NATD1: variants seen among roughly 807,000 people sequenced by gnomAD.
NATD1 encodes the protein N-acetyltransferase domain containing 1, also known as protein NATD1.
Under a neutral mutation model 12.0 loss-of-function variants are expected in NATD1, and 9 were observed. That is an observed-to-expected ratio of 0.75 (90% CI 0.45 to 1.30). The LOEUF is 1.30. NATD1 is among the 50% of genes most tolerant of loss of function. NATD1 has a pLI of 0.00. For missense variants in NATD1, 148 were observed against 148.5 expected, an observed-to-expected ratio of 1.00 and a Z score of 0.02; for synonymous variants, 71 against 65.9, an observed-to-expected ratio of 1.08 and a Z score of -0.37.
At chr17:21,245,813 A>G (rs948360852) in intron 1 of NATD1, among the ~76,000 whole-genome samples, 1 of 148,436 alleles carries the variant, frequency 6.7e-6, no homozygotes, top group Non-Finnish European at 1.5e-5. Flanking sequence ...CACTCCCCTC[A>G]TGCCTGCAGC....
chr17:21,252,989 C>G (rs916857384), intron 1 of NATD1, among the ~76,000 whole-genome samples, 170 bp downstream of exon 1: 1 of 150,312 alleles, frequency 6.7e-6, no homozygotes, highest in Non-Finnish European at 1.5e-5. Context: ...GCGCCCGGAG[C>G]TCCGGCCGCC....
rs1295462744 is a variant in NATD1, at chr17:21,244,771, GAGGCAGGA to G, written c.107-555_107-548del. On this transcript the variant is annotated intron_variant, in intron 1 of 2. Transcript: ENST00000611551. The surrounding 1 kb of genome is among the most constrained non-coding windows in gnomAD (Gnocchi z 5.2). ...CATGAGAAACTGACGCTGGGCACAG[GAGGCAGGA>G]ACAAACGGGTTTTCACACTCCACCA... is the stretch of plus-strand genomic sequence containing the variant. 5.3e-5 allele frequency among the ~76,000 whole-genome samples: 8 copies of G among 152,248 alleles called. No homozygotes were observed. The highest frequency in any genetic ancestry group is 1.5e-5 in the Non-Finnish European group (1 of 68,040).
intron 1 of NATD1, among the ~76,000 whole-genome samples, chr17:21,245,726 G>A (rs536880833): frequency 5.9e-5 from 9 of 151,906 alleles, no homozygotes; most frequent in South Asian, 4.2e-4. Context: ...TCCTGCACCC[G>A]CCATCGCCTA....
Position 21,241,513 on chromosome 17 carries a change from C to A in NATD1, c.*1800G>T, listed in dbSNP as rs1240875401. Reference sequence around the variant, plus strand: ...TGCCAGCAATGGGCCACCCCTAGCCCCGGAGCAGCTCAGCCCACCTCCTGC... The same window carrying A: ...TGCCAGCAATGGGCCACCCCTAGCCACGGAGCAGCTCAGCCCACCTCCTGC... On this transcript the variant is annotated 3_prime_UTR_variant, in exon 3 of 3. Transcript: ENST00000611551. 1 of 152,836 alleles carries A rather than the reference C, an allele frequency of 6.5e-6. No individual in the cohort carries two copies. Among genetic ancestry groups the A allele is most frequent in the Non-Finnish European group, 1.5e-5 (1 of 68,560 alleles). The allele number at this position is 152,836 out of a possible 1,614,324, so 9.5% of individuals were successfully genotyped here.
chr17:21,246,004 G>A (rs1975321621), intron 1 of NATD1, among the ~76,000 whole-genome samples: 1 of 152,248 alleles, frequency 6.6e-6, no homozygotes, highest in African/African-American at 2.4e-5. Flanking sequence ...CCCAGGACAG[G>A]AGAGCAGAGA....
rs527790157 is a variant in NATD1, at chr17:21,243,545, C to A, written c.226-116G>T. On this transcript the variant is annotated intron_variant, in intron 2 of 2. Coordinates refer to ENST00000611551, the MANE Select transcript of NATD1 (RefSeq NM_152914.3). Reference sequence around the variant, plus strand: ...GGCCACCCTTCCACTTTGCCCAGGTCAGTAACTCCCTTGAGTTTCAGTGTC... The same window carrying A: ...GGCCACCCTTCCACTTTGCCCAGGTAAGTAACTCCCTTGAGTTTCAGTGTC... The A allele has an allele frequency of 2.5e-5, 18 of 717,962 alleles. No homozygotes were observed. The South Asian group carries it at 3.1e-4, about 12-fold the overall frequency. 44.5% of individuals were successfully genotyped at this position (717,962 alleles called of 1,614,324 possible).
chr17:21,252,974 G>A (rs1975392344), intron 1 of NATD1, among the ~76,000 whole-genome samples, 185 bp downstream of exon 1: 1 of 150,468 alleles, frequency 6.6e-6, no homozygotes, highest in Non-Finnish European at 1.5e-5. Context: ...AGCACAACCC[G>A]GCCCGCGCCC....
chr17:21,251,082 C>T (rs995550002), intron 1 of NATD1, among the ~76,000 whole-genome samples: 1 of 152,174 alleles, frequency 6.6e-6, no homozygotes, highest in Non-Finnish European at 1.5e-5. Flanking sequence ...CTGTGCTGCA[C>T]AGCCACTCCC....
intron 1 of NATD1, among the ~76,000 whole-genome samples, chr17:21,246,241 C>T (rs955865383): frequency 3.9e-5 from 6 of 152,126 alleles, no homozygotes; most frequent in African/African-American, 7.2e-5. Context: ...GGGCCAGGCA[C>T]GGTGACCCAC....
intron 1 of NATD1, among the ~76,000 whole-genome samples, chr17:21,252,361 C>T (rs1185999012): frequency 1.3e-5 from 2 of 152,342 alleles, no homozygotes; most frequent in East Asian, 3.9e-4. Flanking sequence ...TGCTTTCTGG[C>T]TTCACGAATC....
intron 1 of NATD1, among the ~76,000 whole-genome samples, chr17:21,250,562 C>T (rs745607421): frequency 7.9e-5 from 12 of 152,094 alleles, no homozygotes; most frequent in Admixed American, 3.9e-4. Flanking sequence ...CAAATACTTG[C>T]GGGGTGAATC....
chr17:21,249,477 C>A (rs1032338927), intron 1 of NATD1, among the ~76,000 whole-genome samples: 1 of 152,152 alleles, frequency 6.6e-6, no homozygotes, highest in Admixed American at 6.5e-5. Flanking sequence ...ACACAGCCAG[C>A]GGCCTCATAT....
rs732928 is a variant in NATD1 at position 21,240,761 on chromosome 17, G to A, written c.*2552C>T. 75,075 of 152,684 alleles carry A rather than the reference G, an allele frequency of 0.49. 19,236 individuals carry two copies. The highest frequency in any genetic ancestry group is 0.68 in the East Asian group (3,494 of 5,166). 9.5% of individuals were successfully genotyped at this position (152,684 alleles called of 1,614,324 possible). A position where few individuals can be genotyped will look rare whatever the true frequency, so the allele number is the denominator to read the frequency against. ...CGGCATCCTTACCAAGGACCCCCAG[G>A]TGACCGGACAGGAGGGGTGAGGCTA... On this transcript the variant is annotated 3_prime_UTR_variant, in exon 3 of 3. Coordinates refer to ENST00000611551, the MANE Select transcript of NATD1 (RefSeq NM_152914.3).
chr17:21,251,997 G>C (rs1052939245), intron 1 of NATD1, among the ~76,000 whole-genome samples: 14 of 152,304 alleles, frequency 9.2e-5, no homozygotes, highest in African/African-American at 2.6e-4. Flanking sequence ...ACCTCCTGAG[G>C]GGGGATGGGC....
chr17:21,253,113 C>T (rs1975394231), intron 1 of NATD1, 46 bp downstream of exon 1: 2 of 968,288 alleles, frequency 2.1e-6, no homozygotes, highest in Non-Finnish European at 2.5e-6. Flanking sequence ...CGGCGGGCCC[C>T]GCTCGCTCGC....
rs549866467 is a variant in NATD1, at chr17:21,239,232, C to G, written c.*4081G>C. 1.7e-3 allele frequency: 79 copies of G among 45,856 alleles called. No individual in the cohort carries two copies. Among genetic ancestry groups the G allele is most frequent in the African/African-American group, 0.016 (75 of 4,570 alleles). 2.8% of individuals were successfully genotyped at this position (45,856 alleles called of 1,614,324 possible). On this transcript the variant is annotated 3_prime_UTR_variant, in exon 3 of 3. Transcript: ENST00000611551. Reference sequence around the variant, plus strand: ...TAGCTGCTCACCTTATGGCTCGAGGCAGGACCCCCCCGCAGCCTTGCAGCT... The same window carrying G: ...TAGCTGCTCACCTTATGGCTCGAGGGAGGACCCCCCCGCAGCCTTGCAGCT...
chr17:21,252,371 C>T (rs4985996), intron 1 of NATD1, among the ~76,000 whole-genome samples: 50,145 of 152,128 alleles, frequency 0.33, 8,730 homozygotes, highest in African/African-American at 0.42. Flanking sequence ...CTTCACGAAT[C>T]ACGATCGGGC....
rs1449478313 is a variant in NATD1, at chr17:21,253,250, A to G, written c.15T>C (p.Ala5=). 3.1e-5 allele frequency: 31 copies of G among 996,058 alleles called. No homozygotes were observed. Among genetic ancestry groups the G allele is most frequent in the Non-Finnish European group, 3.7e-5 (31 of 838,604 alleles). The allele number at this position is 996,058 out of a possible 1,614,324, so 61.7% of individuals were successfully genotyped here. Residue 5 remains alanine (A), a synonymous_variant, in exon 1 of 3, where the codon GCT becomes GCC. Transcript: ENST00000611551. ...CCAGCGCGCCCAGCGGCACGGCGGC[A>G]GCCGAGTGCGCCATCTGCGCGCGGG... The part of the protein sequence containing the change: MAHS[A]AAVPLGALEQ...
intron 1 of NATD1, among the ~76,000 whole-genome samples, chr17:21,247,046 G>A (rs1357087498): frequency 6.6e-6 from 1 of 152,144 alleles, no homozygotes; most frequent in African/African-American, 2.4e-5. Flanking sequence ...CAGGGAGGTG[G>A]ATACAAGAAG....
Sources: gnomAD v4.1 joint callset for allele counts (sites outside exome capture counted in the v4.1 genomes callset) on GRCh38, gnomAD v4.1.1 for gene constraint, Gnocchi (gnomAD v3.1) non-coding constraint, MANE v1.5 for transcripts, NCBI Gene and HGNC (gene_info 2026-07-23, HGNC 2026-07-21) for gene names.